Variants in C2orf49 observed in about 807,000 individuals in gnomAD.
The protein encoded by C2orf49 is tRNA splicing ligase complex subunit 2.
In C2orf49, 11 loss-of-function variants were observed where a neutral mutation model predicts 20.6. That is an observed-to-expected ratio of 0.53 (90% confidence interval 0.34 to 0.88). The LOEUF (loss-of-function observed/expected upper bound fraction) is 0.88. C2orf49 is among the 40% of genes least tolerant of loss of function. C2orf49 has a pLI of 0.02. For missense variants in C2orf49, 289 were observed against 274.2 expected, an observed-to-expected ratio of 1.05 and a Z score of -0.38; for synonymous variants, 134 against 108.5, an observed-to-expected ratio of 1.24 and a Z score of -1.46.
chr2:105,363,256 C>T, the C2orf49 span: 1 of 1,611,064 alleles, frequency 6.2e-7, no homozygotes, highest in Non-Finnish European at 8.5e-7. Flanking sequence ...TCCAATCGCC[C>T]CTGGAAATGG....
the C2orf49 span, among the ~76,000 whole-genome samples, chr2:105,366,756 A>T: frequency 6.6e-6 from 1 of 151,884 alleles, no homozygotes; most frequent in South Asian, 2.1e-4. Context: ...TTATTTTTTT[A>T]ATTTTTTGAG....
chr2:105,381,199 T>C, the C2orf49 span, among the ~76,000 whole-genome samples: 1 of 152,216 alleles, frequency 6.6e-6, no homozygotes, highest in African/African-American at 2.4e-5. Context: ...ATGTCATTCA[T>C]GCTCAGCGTT....
chr2:105,365,276 C>T, the C2orf49 span, among the ~76,000 whole-genome samples: 2 of 152,202 alleles, frequency 1.3e-5, no homozygotes, highest in Non-Finnish European at 2.9e-5. Context: ...TGTACTTCCA[C>T]CTAGACTACA....
the C2orf49 span, chr2:105,378,052 G>A: frequency 4.2e-6 from 2 of 471,048 alleles, no homozygotes; most frequent in Admixed American, 2.3e-5. Context: ...AAAGCCACTA[G>A]ATGTCACCAC....
the C2orf49 span, among the ~76,000 whole-genome samples, chr2:105,355,929 T>G: frequency 6.6e-6 from 1 of 152,080 alleles, no homozygotes; most frequent in African/African-American, 2.4e-5. Context: ...CATACATGGC[T>G]GTGTTTGAAT....
At chr2:105,363,996 C>T in the C2orf49 span, among the ~76,000 whole-genome samples, 2 of 152,190 alleles carry the variant, frequency 1.3e-5, no homozygotes, top group African/African-American at 4.8e-5. Flanking sequence ...GTGGCTCACA[C>T]CTGTAATCTC....
At chr2:105,371,359 G>A in the C2orf49 span, among the ~76,000 whole-genome samples, 3 of 152,264 alleles carry the variant, frequency 2.0e-5, no homozygotes, top group African/African-American at 7.2e-5. Flanking sequence ...TTCCCTAAGG[G>A]CAACTAATTC....
chr2:105,372,846 C>T, the C2orf49 span, among the ~76,000 whole-genome samples: 2,405 of 152,224 alleles, frequency 0.016, 18 homozygotes, highest in East Asian at 0.035. Flanking sequence ...TATAAGCCAC[C>T]GCACCCAGCT....
chr2:105,345,275 T>C (rs1679782010), intron 3 of C2orf49, 40 bp from the exon 4 acceptor site: 2 of 1,560,022 alleles, frequency 1.3e-6, no homozygotes, highest in East Asian at 4.5e-5. Flanking sequence ...TTTTCTGATA[T>C]TTCTGCAAGT....
rs142827498 is a variant in C2orf49 at position 105,337,597 on chromosome 2, G to C, written c.10G>C (p.Asp4His). The part of the protein sequence containing the change: MAG[D>H]VGGRSCTDSE... Reference sequence around the variant, plus strand: ...TCTCCTGGCGACGACCATGGCGGGGGATGTGGGCGGTCGCAGCTGCACGGA... The same window carrying C: ...TCTCCTGGCGACGACCATGGCGGGGCATGTGGGCGGTCGCAGCTGCACGGA... Residue 4 changes from aspartate (D) to histidine (H), a missense_variant, in exon 1 of 4, where the codon GAT (aspartate) becomes CAT (histidine). Coordinates refer to ENST00000258457, the MANE Select transcript of C2orf49 (RefSeq NM_024093.3). 5.0e-6 allele frequency: 8 copies of C among 1,613,196 alleles called. No homozygotes were observed. Among genetic ancestry groups the C allele is most frequent in the African/African-American group, 1.3e-5 (1 of 74,854 alleles).
chr2:105,355,144 T>A, the C2orf49 span, among the ~76,000 whole-genome samples: 1 of 151,760 alleles, frequency 6.6e-6, no homozygotes, highest in Admixed American at 6.6e-5. Flanking sequence ...CCACCACATA[T>A]AAGTGTGAAT....
the C2orf49 span, among the ~76,000 whole-genome samples, chr2:105,376,902 C>T: frequency 1.3e-5 from 2 of 152,012 alleles, no homozygotes; most frequent in Non-Finnish European, 2.9e-5. Context: ...TTAAGTGAAA[C>T]GACAAATCGG....
chr2:105,352,712 G>A (rs960936877), downstream of C2orf49, among the ~76,000 whole-genome samples: 2 of 151,928 alleles, frequency 1.3e-5, no homozygotes, highest in Non-Finnish European at 2.9e-5. Flanking sequence ...CCAAAGTGCT[G>A]GGATTACAGG....
intron 1 of C2orf49, 129 bp from the exon 2 acceptor site, chr2:105,339,454 G>A (rs373759867): frequency 9.0e-6 from 7 of 773,926 alleles, no homozygotes; most frequent in African/African-American, 7.2e-5. Context: ...CTAAGTGCGC[G>A]TGTTATTGTG....
At position 105,345,957 on chromosome 2, in the gene C2orf49, C is replaced by G. The variant is rs1297958009; in HGVS notation, c.*586C>G. 1 of 151,804 alleles carries G rather than the reference C, an allele frequency of 6.6e-6. No individual in the cohort carries two copies. Among genetic ancestry groups the G allele is most frequent in the African/African-American group, 2.4e-5 (1 of 41,260 alleles). 9.4% of individuals were successfully genotyped at this position (151,804 alleles called of 1,614,324 possible). On this transcript the variant is annotated 3_prime_UTR_variant, in exon 4 of 4. Transcript: ENST00000258457. ...CAGCCTGGGCAACAAGAGCGAAACTCCATCTCAAAAAAAAAAAAGCATTCA... is the reference window on the plus strand; with the variant it reads ...CAGCCTGGGCAACAAGAGCGAAACTGCATCTCAAAAAAAAAAAAGCATTCA...
the C2orf49 span, among the ~76,000 whole-genome samples, chr2:105,369,156 G>T: frequency 1.3e-5 from 2 of 152,138 alleles, no homozygotes; most frequent in African/African-American, 2.4e-5. Flanking sequence ...TGGCATGAGG[G>T]TCACATACAT....
intron 2 of C2orf49, among the ~76,000 whole-genome samples, chr2:105,341,264 T>C (rs1293000764): frequency 4.6e-5 from 7 of 152,252 alleles, no homozygotes; most frequent in African/African-American, 1.7e-4. Context: ...CATACTTTCC[T>C]TTGAAGCAAT....
At chr2:105,364,657 C>T in the C2orf49 span, among the ~76,000 whole-genome samples, 1 of 152,200 alleles carries the variant, frequency 6.6e-6, no homozygotes, top group Admixed American at 6.5e-5. Context: ...CAAACGAAGG[C>T]TGTGGAAGAT....
the C2orf49 span, among the ~76,000 whole-genome samples, chr2:105,367,972 G>A: frequency 1.3e-5 from 2 of 152,114 alleles, no homozygotes; most frequent in African/African-American, 2.4e-5. Context: ...GTACATTTTA[G>A]GCACTTAACA....
Sources: gnomAD v4.1 joint callset for allele counts (sites outside exome capture counted in the v4.1 genomes callset) on GRCh38, gnomAD v4.1.1 for gene constraint, MANE v1.5 for transcripts, NCBI Gene and HGNC (gene_info 2026-07-23, HGNC 2026-07-21) for gene names.